Variants in ZNF782 observed in about 807,000 individuals in gnomAD.
ZNF782 encodes zinc finger protein 782.
In ZNF782, 12 loss-of-function variants were observed where a neutral mutation model predicts 13.0. That is an observed-to-expected ratio of 0.92 (90% CI 0.59 to 1.50). The LOEUF (loss-of-function observed/expected upper bound fraction) is 1.50. Ranked by LOEUF, ZNF782 falls within the 40% of genes most tolerant of loss-of-function variation. The pLI, the probability that ZNF782 is intolerant of heterozygous loss-of-function variation, is 0.00. For synonymous variants in ZNF782, 284 were observed against 283.0 expected (o/e 1.00, Z -0.04); for missense variants, 770 against 822.9 (o/e 0.94, Z 0.79).
chr9:96,851,736 C>T (rs916960286), intron 3 of ZNF782, among the ~76,000 whole-genome samples: 1 of 152,166 alleles, frequency 6.6e-6, no homozygotes, highest in Non-Finnish European at 1.5e-5. Context: ...AATTCATGTG[C>T]ATTCATGACT....
chr9:96,888,854 T>C, the ZNF782 span: 5 of 152,338 alleles, frequency 3.3e-5, no homozygotes, highest in East Asian at 7.7e-4. Flanking sequence ...TGAAAGTCAC[T>C]GACCACCATA....
upstream of ZNF782, among the ~76,000 whole-genome samples, chr9:96,879,909 T>C (rs1851942047): frequency 6.6e-6 from 1 of 152,226 alleles, no homozygotes; most frequent in Non-Finnish European, 1.5e-5. Flanking sequence ...ATTTTCTGTG[T>C]AGACAAACAT....
chr9:96,844,635 G>A (rs1158011643), intron 4 of ZNF782, among the ~76,000 whole-genome samples: 2 of 152,100 alleles, frequency 1.3e-5, no homozygotes, highest in African/African-American at 4.8e-5. Context: ...CTTCTGGGGG[G>A]TGATAAAAAT....
the ZNF782 span, chr9:96,890,619 G>A: frequency 6.6e-6 from 1 of 152,182 alleles, no homozygotes. Context: ...TCAAGGACAC[G>A]GCTAGATTAT....
upstream of ZNF782, among the ~76,000 whole-genome samples, chr9:96,858,779 C>T (rs1413862345): frequency 6.6e-6 from 1 of 152,180 alleles, no homozygotes; most frequent in Non-Finnish European, 1.5e-5. The surrounding 1 kb of genome is among the most constrained non-coding windows in gnomAD (Gnocchi z 4.4). Flanking sequence ...AGAAGTGGAG[C>T]CTGATGGCTA....
chr9:96,832,946 T>G (rs1227948223), intron 4 of ZNF782, among the ~76,000 whole-genome samples: 4 of 152,120 alleles, frequency 2.6e-5, no homozygotes, highest in Non-Finnish European at 1.5e-5. Flanking sequence ...TACACAAACG[T>G]TAGAGATTTT....
In ZNF782 at chr9:96,866,722, A is replaced by T. The variant is rs534213556; in HGVS notation, c.-456-5119T>A. ...ATGCCAGCCCATGAAGGCAGCTAGG[A>T]GGGGGGGTTATACCCTGCAAAGCCA... On this transcript the variant is annotated intron_variant, in intron 1 of 5. Transcript: ENST00000498811. Among the ~76,000 whole-genome samples the T allele has an allele frequency of 3.9e-5, 6 of 152,284 alleles. No individual in the cohort carries two copies. In the East Asian group the frequency reaches 1.2e-3, roughly 29 times the overall value.
At chr9:96,875,339 G>A in intron 1 of ZNF782, 1 of 385,406 alleles carries the variant, frequency 2.6e-6, no homozygotes, top group East Asian at 7.3e-5. Context: ...AACTGCACTT[G>A]GCTGTTTGCT....
In ZNF782 at chr9:96,819,635, G is replaced by C; in HGVS notation, c.388C>G (p.Arg130Gly). The change falls in exon 6 of 6, where the codon CGT becomes GGT. Residue 130 changes from arginine (R) to glycine (G), a missense_variant. Coordinates refer to ENST00000481138, the MANE Select transcript of ZNF782 (RefSeq NM_001001662.3). ...KPHNRDINIF[R>G]ARMMPCKCDI... Reference sequence around the variant, plus strand: ...CATTTACAAGGCATCATTCTTGCACGAAAAATGTTTATGTCTCGATTATGT... The same window carrying C: ...CATTTACAAGGCATCATTCTTGCACCAAAAATGTTTATGTCTCGATTATGT... 1 of 1,614,016 alleles carries C rather than the reference G, an allele frequency of 6.2e-7. No individual in the cohort carries two copies.
chr9:96,896,465 G>A, the ZNF782 span, among the ~76,000 whole-genome samples: 2 of 152,076 alleles, frequency 1.3e-5, no homozygotes, highest in Middle Eastern at 3.2e-3. Context: ...CATGTCAGAG[G>A]GTGGAAAATA....
rs118182947 is a variant in ZNF782 at position 96,823,874 on chromosome 9, T to C, written c.244+3206A>G. On this transcript the variant is annotated intron_variant, in intron 5 of 5. Transcript: ENST00000481138. ...TTTTGTGTAGATAAGAGTTGATTCA[T>C]AGACCAATAACAGGAGCTGAAATTG... Among the ~76,000 whole-genome samples, 156 of 152,300 alleles carry C rather than the reference T, an allele frequency of 1.0e-3. 1 individual carries two copies. The South Asian group carries it at 0.011, about 10-fold the overall frequency.
intron 1 of ZNF782, among the ~76,000 whole-genome samples, chr9:96,872,897 G>A (rs1022377311): frequency 3.3e-5 from 5 of 152,124 alleles, no homozygotes; most frequent in African/African-American, 1.2e-4. Context: ...GGATTCCCAG[G>A]AATAGTGTAG....
intron 1 of ZNF782, among the ~76,000 whole-genome samples, chr9:96,863,183 C>A (rs934145047): frequency 3.9e-5 from 6 of 152,062 alleles, no homozygotes; most frequent in African/African-American, 1.4e-4. Context: ...TAAATTGAAC[C>A]ATTTAAAAAT....
the ZNF782 span, among the ~76,000 whole-genome samples, chr9:96,908,067 A>C: frequency 6.6e-6 from 1 of 152,058 alleles, no homozygotes; most frequent in Non-Finnish European, 1.5e-5. Flanking sequence ...CAATGGACAC[A>C]GTCTGATAAG....
upstream of ZNF782, among the ~76,000 whole-genome samples, chr9:96,876,953 A>AAAAAAAAAAAAAAAAAAAAC: frequency 7.8e-6 from 1 of 128,950 alleles, no homozygotes; most frequent in Admixed American, 7.2e-5. Context: ...CAAAAAAAAA[A>AAAAAAAAAAAAAAAAAAAAC]AAAAAAAAAA....
the ZNF782 span, among the ~76,000 whole-genome samples, chr9:96,902,073 A>G: frequency 6.6e-6 from 1 of 152,144 alleles, no homozygotes; most frequent in Non-Finnish European, 1.5e-5. Flanking sequence ...AGTGTGGCAC[A>G]GGCAACCCTG....
chr9:96,865,979 G>A (rs1457396833), intron 1 of ZNF782, among the ~76,000 whole-genome samples: 1 of 152,194 alleles, frequency 6.6e-6, no homozygotes, highest in East Asian at 1.9e-4. Context: ...TTCAAGATGT[G>A]TCTTGGGTGT....
the ZNF782 span, among the ~76,000 whole-genome samples, chr9:96,885,514 A>C: frequency 6.6e-6 from 1 of 152,174 alleles, no homozygotes; most frequent in Non-Finnish European, 1.5e-5. Context: ...CAATAACTAA[A>C]GGGTTAACAT....
chr9:96,883,981 G>A, the ZNF782 span, among the ~76,000 whole-genome samples: 1 of 152,328 alleles, frequency 6.6e-6, no homozygotes, highest in African/African-American at 2.4e-5. Context: ...AAAGGTCTTG[G>A]AATGGATGGG....
Sources: gnomAD v4.1 joint callset for allele counts (sites outside exome capture counted in the v4.1 genomes callset) on GRCh38, gnomAD v4.1.1 for gene constraint, Gnocchi (gnomAD v3.1) non-coding constraint, MANE v1.5 for transcripts, NCBI Gene and HGNC (gene_info 2026-07-23, HGNC 2026-07-21) for gene names.